The following LRP1B variants were observed in gnomAD, a reference collection of about 807,000 sequenced individuals.
LRP1B encodes the protein LDL receptor related protein 1B.
A neutral mutation model predicts 556.6 loss-of-function variants in LRP1B; 217 were observed. That is an observed-to-expected ratio of 0.39 (90% confidence interval 0.35 to 0.44). LRP1B has a LOEUF of 0.44. Among genes scored for constraint, LRP1B ranks in the 20% least tolerant of loss-of-function variants. The pLI is 1.00. For missense variants in LRP1B, 5,053 were observed against 5,620.8 expected (o/e 0.90, Z 3.23); for synonymous variants, 2,047 against 1,865.8 (o/e 1.10, Z -2.50).
chr2:141,906,191 T>C (rs1037288079), intron 1 of LRP1B, among the ~76,000 whole-genome samples: 4 of 151,830 alleles, frequency 2.6e-5, no homozygotes, highest in African/African-American at 9.7e-5. Flanking sequence ...TTTAGGTCTG[T>C]ACACTAAAAT....
intron 3 of LRP1B, among the ~76,000 whole-genome samples, chr2:141,413,877 G>C (rs1221683637): frequency 1.3e-5 from 2 of 151,632 alleles, no homozygotes; most frequent in African/African-American, 4.9e-5. Context: ...AGGAGAGAGA[G>C]AGAGAGAGAG....
intron 1 of LRP1B, among the ~76,000 whole-genome samples, chr2:142,078,284 G>T (rs1249257282): frequency 5.9e-5 from 9 of 152,038 alleles, no homozygotes. Flanking sequence ...ACATTTTCTT[G>T]CCTTTGCTTA....
At chr2:140,578,340 T>C (rs1247261443) in intron 43 of LRP1B, among the ~76,000 whole-genome samples, 1 of 152,196 alleles carries the variant, frequency 6.6e-6, no homozygotes, top group Non-Finnish European at 1.5e-5. Context: ...CCCCTTTTAA[T>C]GAAGTTAACA....
At chr2:141,284,769 ATGAT>A (rs1685642387) in intron 3 of LRP1B, among the ~76,000 whole-genome samples, 2 of 152,218 alleles carry the variant, frequency 1.3e-5, no homozygotes, top group Admixed American at 1.3e-4. Context: ...AAAAATCAAA[ATGAT>A]TGATTAAGTG....
Position 140,752,823 on chromosome 2 carries a change from T to TC in LRP1B, c.5758+16389dup, listed in dbSNP as rs560470339. Among the ~76,000 whole-genome samples, 229 of 152,310 alleles carry TC rather than the reference T, an allele frequency of 1.5e-3. 1 individual carries two copies. Among genetic ancestry groups the TC allele is most frequent in the African/African-American group, 5.2e-3 (217 of 41,572 alleles). ...CACATATGCACAGCCTCTCTCACTA[T>TC]CAAAATCCCACACCAAAGTTGTATG... On this transcript the variant is annotated intron_variant, in intron 35 of 90. Coordinates refer to ENST00000389484, the MANE Select transcript of LRP1B (RefSeq NM_018557.3).
rs146432836 is a variant in LRP1B, at chr2:140,872,875, C to T, written c.4170-4612G>A. Among the ~76,000 whole-genome samples the T allele has an allele frequency of 2.1e-3, 317 of 151,896 alleles. 2 individuals are homozygous for T. The highest frequency in any genetic ancestry group is 7.3e-3 in the African/African-American group (302 of 41,494). ...AGAAAAAAAAAAGGTCTTTATGAAT[C>T]TATAAGATATATTTCTATCAGCAAG... On this transcript the variant is annotated intron_variant, in intron 25 of 90. Coordinates refer to ENST00000389484, the MANE Select transcript of LRP1B (RefSeq NM_018557.3).
At chr2:140,999,948 G>A (rs116205555) in intron 15 of LRP1B, among the ~76,000 whole-genome samples, 4,035 of 152,018 alleles carry the variant, frequency 0.027, 176 homozygotes, top group African/African-American at 0.089. Flanking sequence ...GTCTTGCTCT[G>A]TCACCTAGGC....
chr2:141,266,077 C>A (rs1262291006), intron 3 of LRP1B, among the ~76,000 whole-genome samples: 1 of 152,118 alleles, frequency 6.6e-6, no homozygotes, highest in African/African-American at 2.4e-5. Flanking sequence ...GTAATCCCAG[C>A]ACTTTGGGAG....
chr2:141,516,718 C>T (rs4332867), intron 2 of LRP1B, among the ~76,000 whole-genome samples: 138,109 of 142,006 alleles, frequency 0.97, 67,290 homozygotes, highest in East Asian at 1. Context: ...TTTCTTTTTC[C>T]GAGAGTCTTG....
At chr2:141,314,448 A>T (rs1471002696) in intron 3 of LRP1B, among the ~76,000 whole-genome samples, 1 of 152,096 alleles carries the variant, frequency 6.6e-6, no homozygotes, top group Admixed American at 6.6e-5. Flanking sequence ...AGAAAATTGA[A>T]GATTTGGTTT....
chr2:141,927,058 T>C (rs1490038303), intron 1 of LRP1B, among the ~76,000 whole-genome samples: 1 of 152,158 alleles, frequency 6.6e-6, no homozygotes, highest in Non-Finnish European at 1.5e-5. Flanking sequence ...GATTAGTTTA[T>C]AAACCTCTTA....
At chr2:141,131,878 T>G (rs1574106956) in intron 7 of LRP1B, among the ~76,000 whole-genome samples, 1 of 152,004 alleles carries the variant, frequency 6.6e-6, no homozygotes, top group Non-Finnish European at 1.5e-5. Flanking sequence ...ATAGTTGTTA[T>G]TTGGTTACAT....
intron 3 of LRP1B, among the ~76,000 whole-genome samples, chr2:141,425,626 A>G (rs2104973318): frequency 6.7e-6 from 1 of 149,306 alleles, no homozygotes; most frequent in Non-Finnish European, 1.5e-5. Flanking sequence ...CTGGTGTGAG[A>G]TGGTATCTCA....
chr2:140,776,894 T>C (rs929977483), intron 32 of LRP1B, among the ~76,000 whole-genome samples: 3 of 152,160 alleles, frequency 2.0e-5, no homozygotes, highest in African/African-American at 7.2e-5. Context: ...CTCCCCCTCT[T>C]ATTGTATTAT....
intron 1 of LRP1B, among the ~76,000 whole-genome samples, chr2:141,856,701 G>T (rs72993080): frequency 6.6e-6 from 1 of 152,096 alleles, no homozygotes; most frequent in African/African-American, 2.4e-5. Context: ...TTAGAAGAGA[G>T]AATGTATCTT....
At chr2:142,066,273 C>T (rs946772810) in intron 1 of LRP1B, among the ~76,000 whole-genome samples, 2 of 68,648 alleles carry the variant, frequency 2.9e-5, no homozygotes, top group African/African-American at 8.7e-5. Flanking sequence ...ATCATTAAGT[C>T]CAGTTTTTTG....
intron 2 of LRP1B, among the ~76,000 whole-genome samples, chr2:141,755,464 A>T (rs2105579153): frequency 6.6e-6 from 1 of 152,230 alleles, no homozygotes; most frequent in African/African-American, 2.4e-5. Flanking sequence ...ATATGTTACT[A>T]GTTCAAATAT....
At chr2:141,453,926 G>GA (rs66823116) in intron 3 of LRP1B, among the ~76,000 whole-genome samples, 6 of 145,672 alleles carry the variant, frequency 4.1e-5, no homozygotes, top group African/African-American at 1.0e-4. Context: ...AAAAAAAAAA[G>GA]AAAAAAAAAA....
chr2:140,951,916 G>A lies in LRP1B; in HGVS notation c.2912C>T (p.Thr971Ile), dbSNP rs1695728274. The A allele has an allele frequency of 6.2e-7, 1 of 1,613,780 alleles. No individual in the cohort carries two copies. Among genetic ancestry groups the A allele is most frequent in the Non-Finnish European group, 8.5e-7 (1 of 1,179,824 alleles). ...SCEFPTCEPL[T>I]QFVCKSGRCI... ...TCTTCCACTTTTGCATACGAATTGGGTTAGTGGCTCACAAGTTGGGAATTC... is the reference window on the plus strand; with the variant it reads ...TCTTCCACTTTTGCATACGAATTGGATTAGTGGCTCACAAGTTGGGAATTC... Residue 971 changes from threonine to isoleucine, a missense_variant, in exon 19 of 91, where the codon ACC becomes ATC. Physicochemically the swap from Thr to Ile is moderately conservative, Grantham distance 89. This residue lies in a region of LRP1B where 3,619 missense variants were observed against 3,931.9 expected (regional missense o/e 0.92). Coordinates refer to ENST00000389484, the MANE Select transcript of LRP1B (RefSeq NM_018557.3).
Sources: gnomAD v4.1 joint callset for allele counts (sites outside exome capture counted in the v4.1 genomes callset) on GRCh38, gnomAD v4.1.1 for gene constraint, gnomAD v4.1.1 regional missense constraint, MANE v1.5 for transcripts, NCBI Gene and HGNC (gene_info 2026-07-23, HGNC 2026-07-21) for gene names.